GPR39: variants seen among roughly 807,000 people sequenced by gnomAD.
GPR39 encodes zinc sensing receptor.
A neutral mutation model predicts 18.4 loss-of-function variants in GPR39; 23 were observed. That is an observed-to-expected ratio of 1.25 (90% confidence interval 0.90 to 1.77). The LOEUF (loss-of-function observed/expected upper bound fraction) is 1.77, where lower values mean the gene tolerates loss of function less well. GPR39 is among the 40% of genes most tolerant of loss of function. The pLI, the probability that GPR39 is intolerant of heterozygous loss-of-function variation, is 0.00. For synonymous variants in GPR39, 280 were observed against 257.9 expected (o/e 1.09, Z -0.82); for missense variants, 647 against 602.4 (o/e 1.07, Z -0.78).
chr2:132,430,109 G>A (rs565537533), intron 1 of GPR39, among the ~76,000 whole-genome samples: 5 of 152,374 alleles, frequency 3.3e-5, no homozygotes, highest in Admixed American at 6.5e-5. Flanking sequence ...GAGAGAGGCA[G>A]TGTGAGGGGC....
rs1679911014 is a variant in GPR39, at chr2:132,416,911, CGAG to C, written c.-128_-126del. 1.7e-6 allele frequency: 2 copies of C among 1,183,948 alleles called. No individual in the cohort carries two copies. Among genetic ancestry groups the C allele is most frequent in the Non-Finnish European group, 1.2e-6 (1 of 843,982 alleles). The allele number at this position is 1,183,948 out of a possible 1,614,324, so 73.3% of individuals were successfully genotyped here. ...CACCTGAAATACTAAGTTACCTTCG[CGAG>C]GAGAACTCGAGTGAGATAAAATCGT... On this transcript the variant is annotated 5_prime_UTR_variant, in exon 1 of 2. Transcript: ENST00000329321.
intron 1 of GPR39, among the ~76,000 whole-genome samples, chr2:132,633,959 T>A (rs1235356697): frequency 7.0e-6 from 1 of 142,208 alleles, no homozygotes; most frequent in East Asian, 2.0e-4. Flanking sequence ...GTGGAGGCAG[T>A]GGTGGAAACA....
intron 1 of GPR39, among the ~76,000 whole-genome samples, chr2:132,636,237 G>A (rs1232950847): frequency 2.0e-5 from 3 of 152,230 alleles, no homozygotes; most frequent in East Asian, 1.9e-4. Flanking sequence ...CTTCTGGGAC[G>A]GTTCAGCTGT....
intron 1 of GPR39, among the ~76,000 whole-genome samples, chr2:132,419,975 C>T (rs867264015): frequency 3.9e-5 from 6 of 152,212 alleles, no homozygotes; most frequent in Non-Finnish European, 4.4e-5. Flanking sequence ...TAAAGCCAGT[C>T]TCCATTTGCA....
At chr2:132,538,053 G>A (rs1038408429) in intron 1 of GPR39, among the ~76,000 whole-genome samples, 16 of 151,940 alleles carry the variant, frequency 1.1e-4, no homozygotes, top group African/African-American at 3.9e-4. Flanking sequence ...TTTGTAACTC[G>A]TTCATCTCAT....
At chr2:132,507,165 G>A (rs921615936) in intron 1 of GPR39, among the ~76,000 whole-genome samples, 13 of 151,818 alleles carry the variant, frequency 8.6e-5, no homozygotes, top group Admixed American at 7.9e-4. Context: ...ATTTTGGAGG[G>A]GACAACATTC....
intron 1 of GPR39, among the ~76,000 whole-genome samples, chr2:132,476,710 A>G (rs1573620882): frequency 6.6e-6 from 1 of 151,584 alleles, no homozygotes; most frequent in Non-Finnish European, 1.5e-5. Flanking sequence ...ACATGGCGGG[A>G]AAAGGAAGTG....
intron 1 of GPR39, among the ~76,000 whole-genome samples, chr2:132,436,091 G>A (rs1390126985): frequency 2.6e-5 from 4 of 152,164 alleles, no homozygotes; most frequent in Non-Finnish European, 4.4e-5. Context: ...GGCCCCCCGA[G>A]TCCCTAAGCT....
At chr2:132,634,587 G>A (rs1211944489) in intron 1 of GPR39, among the ~76,000 whole-genome samples, 2 of 152,148 alleles carry the variant, frequency 1.3e-5, no homozygotes, top group Admixed American at 6.5e-5. Context: ...ATTCCCTGAG[G>A]CCACACAGCA....
intron 1 of GPR39, among the ~76,000 whole-genome samples, chr2:132,614,783 C>T (rs1307382546): frequency 6.6e-6 from 1 of 152,050 alleles, no homozygotes; most frequent in Non-Finnish European, 1.5e-5. Flanking sequence ...AACTCCTGAC[C>T]ACCTGCCTCA....
At chr2:132,612,355 G>A (rs1681252270) in intron 1 of GPR39, among the ~76,000 whole-genome samples, 1 of 151,252 alleles carries the variant, frequency 6.6e-6, no homozygotes, top group Non-Finnish European at 1.5e-5. Flanking sequence ...CATGAAAGGT[G>A]CATTTTACAT....
Position 132,493,488 on chromosome 2 carries a change from C to CATATATATAT in GPR39, c.856+75594_856+75603dup, listed in dbSNP as rs540786857. The stretch of plus-strand genomic sequence containing the variant: ...ATATACACCATATATATATATACAC[C>CATATATATAT]ATATATATATATACACCATATATAT... On this transcript the variant is annotated intron_variant, in intron 1 of 1. Transcript: ENST00000329321. Among the ~76,000 whole-genome samples the CATATATATAT allele has an allele frequency of 5.1e-5, 6 of 117,476 alleles. No individual in the cohort carries two copies. In the East Asian group the frequency reaches 1.2e-3, roughly 24 times the overall value. The allele number at this position is 117,476 out of a possible 152,430, so 77.1% of individuals were successfully genotyped here. A position where few individuals can be genotyped will look rare whatever the true frequency, so the allele number is the denominator to read the frequency against.
chr2:132,546,182 C>T (rs1679945388), intron 1 of GPR39, among the ~76,000 whole-genome samples: 1 of 152,178 alleles, frequency 6.6e-6, no homozygotes, highest in South Asian at 2.1e-4. Context: ...CTTGAGTGTG[C>T]CTCAGAATCA....
chr2:132,535,767 T>C (rs1476035602), intron 1 of GPR39, among the ~76,000 whole-genome samples: 1 of 150,912 alleles, frequency 6.6e-6, no homozygotes, highest in Non-Finnish European at 1.5e-5. Flanking sequence ...TATTCAGGGA[T>C]TTGACTTATT....
At chr2:132,451,147 CTGTGTG>C (rs34508615) in intron 1 of GPR39, among the ~76,000 whole-genome samples, 5 of 106,092 alleles carry the variant, frequency 4.7e-5, no homozygotes, top group South Asian at 5.4e-4. Flanking sequence ...ATCTTTGAGG[CTGTGTG>C]TGTGTGTGTG....
At position 132,592,435 on chromosome 2, in the gene GPR39, C is replaced by A. The variant is rs77323630; in HGVS notation, c.857-52666C>A. Among the ~76,000 whole-genome samples, 1,204 of 152,210 alleles carry A rather than the reference C, an allele frequency of 7.9e-3. 22 individuals are homozygous for A. The highest frequency in any genetic ancestry group is 0.027 in the African/African-American group (1,130 of 41,518). On this transcript the variant is annotated intron_variant, in intron 1 of 1. Coordinates refer to ENST00000329321, the MANE Select transcript of GPR39 (RefSeq NM_001508.3). The stretch of plus-strand genomic sequence containing the variant: ...TAAGGCTGGTGTGGTTGAGCAGAGT[C>A]AGGGAGAATGGGGTAGTAGGAAATG...
intron 1 of GPR39, among the ~76,000 whole-genome samples, chr2:132,555,726 TA>T (rs1680139503): frequency 3.3e-5 from 5 of 152,230 alleles, no homozygotes; most frequent in Admixed American, 3.3e-4. Flanking sequence ...ATACCAGGGC[TA>T]GCCCTGGAGG....
chr2:132,628,443 A>G (rs935675601), intron 1 of GPR39, among the ~76,000 whole-genome samples: 2 of 152,166 alleles, frequency 1.3e-5, no homozygotes, highest in Non-Finnish European at 2.9e-5. Context: ...GGCAGGAGAG[A>G]GGAGGAGTCC....
At chr2:132,451,495 A>G (rs1456932598) in intron 1 of GPR39, among the ~76,000 whole-genome samples, 1 of 152,190 alleles carries the variant, frequency 6.6e-6, no homozygotes, top group Non-Finnish European at 1.5e-5. Flanking sequence ...ATGAGTGGAT[A>G]GGTAAATGTC....
Sources: allele counts gnomAD v4.1 joint callset (sites outside exome capture counted in the v4.1 genomes callset), GRCh38; gene constraint gnomAD v4.1.1; transcripts MANE v1.5; gene names NCBI Gene and HGNC (gene_info 2026-07-23, HGNC 2026-07-21).